Variants in CCDC148 observed in about 807,000 individuals in gnomAD.
The protein encoded by CCDC148 is coiled-coil domain containing 148, also known as coiled-coil domain-containing protein 148.
In CCDC148, 89 loss-of-function variants were observed where a neutral mutation model predicts 85.7. The ratio of observed to expected loss-of-function variants is 1.04; its 90% CI spans 0.87 to 1.24. The LOEUF (loss-of-function observed/expected upper bound fraction) is 1.24. Among genes scored for constraint, CCDC148 ranks in the 50% most tolerant of loss-of-function variants. CCDC148 has a pLI of 0.00. For synonymous variants in CCDC148, 230 were observed against 213.9 expected (o/e 1.08, Z -0.66); for missense variants, 692 against 671.7 (o/e 1.03, Z -0.33).
intron 11 of CCDC148, among the ~76,000 whole-genome samples, chr2:158,193,993 G>A (rs1280380330): frequency 6.7e-6 from 1 of 149,430 alleles, no homozygotes; most frequent in Non-Finnish European, 1.5e-5. Context: ...TTGTGCACAT[G>A]TACCCTAGAA....
chr2:158,177,080 C>T (rs1684627853), intron 12 of CCDC148, among the ~76,000 whole-genome samples: 1 of 151,882 alleles, frequency 6.6e-6, no homozygotes, highest in Admixed American at 6.6e-5. Context: ...CATGAAGTTT[C>T]CTAGGAAGTT....
chr2:158,387,809 G>A (rs1483704459), intron 1 of CCDC148, among the ~76,000 whole-genome samples: 1 of 152,078 alleles, frequency 6.6e-6, no homozygotes, highest in African/African-American at 2.4e-5. Flanking sequence ...CACCTTGCTT[G>A]TGCTCTGACA....
At chr2:158,396,112 G>C (rs914270415) in intron 1 of CCDC148, among the ~76,000 whole-genome samples, 1 of 152,068 alleles carries the variant, frequency 6.6e-6, no homozygotes, top group Non-Finnish European at 1.5e-5. Context: ...TTCCCTGAGA[G>C]AGGTAACACA....
chr2:158,219,684 T>G (rs1558992123), intron 11 of CCDC148, among the ~76,000 whole-genome samples: 1 of 152,216 alleles, frequency 6.6e-6, no homozygotes, highest in African/African-American at 2.4e-5. Context: ...GCTTCCAGCT[T>G]TGGCCTGCCT....
chr2:158,297,633 T>C (rs954000014), intron 9 of CCDC148, among the ~76,000 whole-genome samples: 1 of 152,100 alleles, frequency 6.6e-6, no homozygotes. Context: ...CCACCCTAGA[T>C]AGTTTAGCAG....
intron 9 of CCDC148, among the ~76,000 whole-genome samples, chr2:158,282,330 G>C (rs1391243674): frequency 6.6e-6 from 1 of 152,222 alleles, no homozygotes; most frequent in Non-Finnish European, 1.5e-5. Context: ...AAAAGAGGAA[G>C]TCAAATTGTC....
Position 158,253,803 on chromosome 2 carries a change from C to T in CCDC148, c.1111-2891G>A, listed in dbSNP as rs1358065489. Reference sequence around the variant, plus strand: ...TTTCATATTAACAATTAATGGGAAACTTTATAATGAATGGATCAAGCTGGA... The same window carrying T: ...TTTCATATTAACAATTAATGGGAAATTTTATAATGAATGGATCAAGCTGGA... On this transcript the variant is annotated intron_variant, in intron 9 of 13. Transcript: ENST00000283233. Among the ~76,000 whole-genome samples the T allele has an allele frequency of 2.6e-5, 4 of 151,504 alleles. 1 individual carries two copies. Among genetic ancestry groups the T allele is most frequent in the Non-Finnish European group, 5.9e-5 (4 of 67,702 alleles).
chr2:158,414,706 AATGTGAGGCATGAATGAAGT>A (rs751974227), intron 1 of CCDC148, among the ~76,000 whole-genome samples: 28 of 152,320 alleles, frequency 1.8e-4, no homozygotes, highest in Non-Finnish European at 2.5e-4. Flanking sequence ...AGAAATGAGG[AATGTGAGGCATGAATGAAGT>A]ATGTGAGGCA....
At chr2:158,399,449 C>G (rs1287036682) in intron 1 of CCDC148, among the ~76,000 whole-genome samples, 3 of 152,124 alleles carry the variant, frequency 2.0e-5, no homozygotes, top group Admixed American at 6.6e-5. Context: ...AGATTCATCC[C>G]TGGGATGCAA....
intron 9 of CCDC148, among the ~76,000 whole-genome samples, chr2:158,282,234 C>T (rs1278351522): frequency 6.6e-6 from 1 of 152,102 alleles, no homozygotes; most frequent in Non-Finnish European, 1.5e-5. Context: ...GGGATGCCCT[C>T]TCTCACCACT....
intron 10 of CCDC148, among the ~76,000 whole-genome samples, chr2:158,234,911 T>C (rs892175195): frequency 1.3e-5 from 2 of 152,160 alleles, no homozygotes; most frequent in African/African-American, 2.4e-5. Flanking sequence ...GTATGCTTGC[T>C]TGCATTTTCC....
At chr2:158,315,634 T>C (rs761005815) in intron 7 of CCDC148, among the ~76,000 whole-genome samples, 6 of 152,136 alleles carry the variant, frequency 3.9e-5, no homozygotes, top group Non-Finnish European at 8.8e-5. Flanking sequence ...ATGGATACTG[T>C]TGGTACCACA....
chr2:158,344,731 G>A (rs1559085531), intron 3 of CCDC148, among the ~76,000 whole-genome samples: 1 of 152,038 alleles, frequency 6.6e-6, no homozygotes, highest in African/African-American at 2.4e-5. Context: ...TAGTCATGAT[G>A]CACTTACACC....
chr2:158,240,624 T>C (rs375910028), intron 10 of CCDC148, among the ~76,000 whole-genome samples: 33 of 152,236 alleles, frequency 2.2e-4, no homozygotes, highest in African/African-American at 7.0e-4. Context: ...CTCTCTGCTA[T>C]GTGCTGGCTT....
chr2:158,178,763 G>C (rs1204897027), intron 12 of CCDC148, 116 bp downstream of exon 12: 2 of 715,190 alleles, frequency 2.8e-6, no homozygotes, highest in Non-Finnish European at 4.8e-6. Flanking sequence ...ATTTGGAAAA[G>C]TTAAATTTTA....
chr2:158,388,588 G>C (rs908630480), intron 1 of CCDC148, among the ~76,000 whole-genome samples: 2 of 152,108 alleles, frequency 1.3e-5, no homozygotes, highest in African/African-American at 4.8e-5. Flanking sequence ...TCCACCTCCT[G>C]AGTTCAAGCG....
intron 12 of CCDC148, 125 bp from the exon 13 acceptor site, chr2:158,176,786 G>T: frequency 9.2e-7 from 1 of 1,084,930 alleles, no homozygotes; most frequent in Non-Finnish European, 1.3e-6. Context: ...TGAGAGGAAA[G>T]GGCAGAAGAA....
intron 2 of CCDC148, among the ~76,000 whole-genome samples, chr2:158,357,395 A>G (rs1683716807): frequency 2.0e-5 from 3 of 152,156 alleles, no homozygotes; most frequent in African/African-American, 7.2e-5. Flanking sequence ...TATTTAAAAG[A>G]TTATGTGATA....
chr2:158,278,616 A>C, intron 9 of CCDC148, among the ~76,000 whole-genome samples: 1 of 152,192 alleles, frequency 6.6e-6, no homozygotes, highest in Non-Finnish European at 1.5e-5. Context: ...GTAAACAAAG[A>C]AGCCTCAAAG....
Sources: allele counts gnomAD v4.1 joint callset (sites outside exome capture counted in the v4.1 genomes callset), GRCh38; gene constraint gnomAD v4.1.1; transcripts MANE v1.5; gene names NCBI Gene and HGNC (gene_info 2026-07-23, HGNC 2026-07-21).